The following SLC1A1 variants were observed in gnomAD, a reference collection of about 807,000 sequenced individuals.
SLC1A1 encodes excitatory amino acid transporter 3.
Under a neutral mutation model 53.3 loss-of-function variants are expected in SLC1A1, and 43 were observed. The observed-to-expected ratio is 0.81, with a 90% confidence interval of 0.63 to 1.04. The LOEUF (loss-of-function observed/expected upper bound fraction) is 1.04. Among genes scored for constraint, SLC1A1 ranks in the 50% least tolerant of loss-of-function variants. The pLI, the probability that SLC1A1 is intolerant of heterozygous loss-of-function variation, is 0.00. For missense variants in SLC1A1, 748 were observed against 664.9 expected (o/e 1.12, Z -1.37); for synonymous variants, 307 against 243.2 (o/e 1.26, Z -2.44).
At chr9:4,567,591 G>T in intron 5 of SLC1A1, 78 bp from the exon 6 acceptor site, 2 of 889,362 alleles carry the variant, frequency 2.2e-6, no homozygotes, top group East Asian at 2.6e-5. Flanking sequence ...AAAATAACAT[G>T]TTCCTGTGAT....
intron 1 of SLC1A1, among the ~76,000 whole-genome samples, chr9:4,539,575 A>T (rs1009668560): frequency 2.0e-5 from 3 of 151,614 alleles, no homozygotes; most frequent in African/African-American, 7.3e-5. Context: ...CAACTTATTT[A>T]TTTATTTATT....
At chr9:4,523,830 A>T (rs567792336) in intron 1 of SLC1A1, among the ~76,000 whole-genome samples, 1 of 152,234 alleles carries the variant, frequency 6.6e-6, no homozygotes, top group Non-Finnish European at 1.5e-5. Flanking sequence ...TGTTCTTCCC[A>T]TTGTTATAGG....
intron 1 of SLC1A1, among the ~76,000 whole-genome samples, chr9:4,492,937 A>G (rs1280616730): frequency 1.3e-5 from 2 of 152,008 alleles, no homozygotes; most frequent in African/African-American, 4.8e-5. Context: ...GTTGCACACC[A>G]CTCGTCAGCA....
At chr9:4,542,825 G>A (rs1365399285) in intron 1 of SLC1A1, among the ~76,000 whole-genome samples, 2 of 152,054 alleles carry the variant, frequency 1.3e-5, no homozygotes, top group African/African-American at 2.4e-5. Flanking sequence ...CTAACACTAG[G>A]GTTGTAAAAT....
chr9:4,563,146 G>GA lies in SLC1A1; in HGVS notation c.326-1186dup, dbSNP rs761603173. ...TAAAAGAAAAAAAAAGAGAGAGAGA[G>GA]AAAAAAAAAAAAGAAGAATGCCCAG... On this transcript the variant is annotated intron_variant, in intron 3 of 11. Transcript: ENST00000262352. 4.6e-3 allele frequency among the ~76,000 whole-genome samples: 641 copies of GA among 138,036 alleles called. 3 individuals are homozygous for GA. Among genetic ancestry groups the GA allele is most frequent in the African/African-American group, 0.014 (528 of 37,696 alleles). 90.6% of individuals were successfully genotyped at this position (138,036 alleles called of 152,430 possible).
At chr9:4,512,120 T>C (rs1821018633) in intron 1 of SLC1A1, among the ~76,000 whole-genome samples, 1 of 152,192 alleles carries the variant, frequency 6.6e-6, no homozygotes, top group Non-Finnish European at 1.5e-5. Context: ...AACATAGTAA[T>C]GATGTCAGTT....
Position 4,572,794 on chromosome 9 carries a change from C to T in SLC1A1, c.767+406C>T, listed in dbSNP as rs187578706. On this transcript the variant is annotated intron_variant, in intron 7 of 11. Coordinates refer to ENST00000262352, the MANE Select transcript of SLC1A1 (RefSeq NM_004170.6). ...AAACTCCTAGGCTCAAGCAATCTAC[C>T]CACTTCATCCTCCCAAAATGCTGGA... is the stretch of plus-strand genomic sequence containing the variant. Among the ~76,000 whole-genome samples the T allele has an allele frequency of 1.4e-3, 208 of 152,242 alleles. 1 individual carries two copies. Among genetic ancestry groups the T allele is most frequent in the Admixed American group, 3.8e-3 (58 of 15,284 alleles).
chr9:4,493,313 GGCCTGA>G (rs1820301520), intron 1 of SLC1A1, among the ~76,000 whole-genome samples: 1 of 152,104 alleles, frequency 6.6e-6, no homozygotes, highest in African/African-American at 2.4e-5. Context: ...CAGAGTACTG[GGCCTGA>G]GTGGAAACTC....
chr9:4,515,681 T>A (rs1821139000), intron 1 of SLC1A1, among the ~76,000 whole-genome samples: 1 of 152,224 alleles, frequency 6.6e-6, no homozygotes, highest in South Asian at 2.1e-4. Context: ...CAACTGGTTT[T>A]CACTCCTAGA....
Position 4,573,958 on chromosome 9 carries a change from T to C in SLC1A1, c.819T>C (p.Val273=). The C allele has an allele frequency of 6.2e-7, 1 of 1,614,080 alleles. No homozygotes were observed. Among genetic ancestry groups the C allele is most frequent in the Non-Finnish European group, 8.5e-7 (1 of 1,179,912 alleles). Residue 273 remains valine (V), a synonymous_variant, in exon 8 of 12, where the codon GTT becomes GTC. Transcript: ENST00000262352. ...LFLIAGKIIE[V]EDWEIFRKLG... ...TGATTGCTGGGAAGATCATAGAAGT[T>C]GAAGACTGGGAAATATTCCGCAAGC...
At chr9:4,545,471 T>C (rs538770679) in intron 2 of SLC1A1, among the ~76,000 whole-genome samples, 21 of 152,322 alleles carry the variant, frequency 1.4e-4, no homozygotes, top group African/African-American at 4.3e-4. Context: ...AGGAAAAATA[T>C]AGTTGTCAAT....
At chr9:4,540,209 G>A (rs567859741) in intron 1 of SLC1A1, among the ~76,000 whole-genome samples, 17 of 152,144 alleles carry the variant, frequency 1.1e-4, no homozygotes, top group African/African-American at 4.1e-4. Flanking sequence ...TCTGGCCAGG[G>A]ATGGCCAGAC....
intron 1 of SLC1A1, among the ~76,000 whole-genome samples, chr9:4,496,929 G>A (rs948095298): frequency 4.6e-5 from 7 of 152,050 alleles, no homozygotes; most frequent in African/African-American, 7.2e-5. Flanking sequence ...GCAGAAGAGA[G>A]AGAAAATAAT....
chr9:4,560,996 AAAAC>A (rs139529479), intron 2 of SLC1A1, among the ~76,000 whole-genome samples: 33,094 of 151,746 alleles, frequency 0.22, 4,364 homozygotes, highest in East Asian at 0.46. Context: ...ACTCTGTCTC[AAAAC>A]AAACAAACAA....
Position 4,561,604 on chromosome 9 carries a change from G to C in SLC1A1, c.325+63G>C, listed in dbSNP as rs142533531. 1.8e-5 allele frequency: 19 copies of C among 1,035,712 alleles called. 2 individuals carry two copies. The Middle Eastern group carries it at 1.2e-3, about 66-fold the overall frequency. 64.2% of individuals were successfully genotyped at this position (1,035,712 alleles called of 1,614,324 possible). ...TGGTGATTTTTTCATTCGAAAAGTA[G>C]TTGGTGGCCAGATGCGGTGGCTCAG... On this transcript the variant is annotated intron_variant, in intron 3 of 11. Coordinates refer to ENST00000262352, the MANE Select transcript of SLC1A1 (RefSeq NM_004170.6).
rs191200043 is a variant in SLC1A1 at position 4,537,239 on chromosome 9, A to C, written c.92-7328A>C. Among the ~76,000 whole-genome samples the C allele has an allele frequency of 2.1e-3, 320 of 152,322 alleles. 1 individual carries two copies. Among genetic ancestry groups the C allele is most frequent in the African/African-American group, 7.2e-3 (301 of 41,566 alleles). On this transcript the variant is annotated intron_variant, in intron 1 of 11. Coordinates refer to ENST00000262352, the MANE Select transcript of SLC1A1 (RefSeq NM_004170.6). Reference sequence around the variant, plus strand: ...AATGTGGGGGAAATGCTTATGACTTAACATTAAATGAAAATTGCTTTTTAA... The same window carrying C: ...AATGTGGGGGAAATGCTTATGACTTCACATTAAATGAAAATTGCTTTTTAA...
In SLC1A1 at chr9:4,565,439, G is replaced by A. The variant is rs976885269; in HGVS notation, c.441-608G>A. ...TTAAGTCACAGTTCCTCACGGCTGG[G>A]GAGGCCTCAAGAAACTTACAATCAT... On this transcript the variant is annotated intron_variant, in intron 4 of 11. Transcript: ENST00000262352. 2.0e-5 allele frequency among the ~76,000 whole-genome samples: 3 copies of A among 152,150 alleles called. No homozygotes were observed. The South Asian group carries it at 6.2e-4, about 32-fold the overall frequency.
intron 10 of SLC1A1, 129 bp from the exon 11 acceptor site, chr9:4,582,909 T>C: frequency 8.1e-7 from 1 of 1,227,584 alleles, no homozygotes; most frequent in Non-Finnish European, 1.2e-6. Flanking sequence ...AAGTCACAGA[T>C]TCTAACTACC....
intron 3 of SLC1A1, among the ~76,000 whole-genome samples, chr9:4,562,090 A>T (rs1819009796): frequency 8.0e-6 from 1 of 124,772 alleles, no homozygotes; most frequent in Admixed American, 9.2e-5. Context: ...TTTTTTTTCA[A>T]GAGGGAGTCT....
Sources: allele counts gnomAD v4.1 joint callset (sites outside exome capture counted in the v4.1 genomes callset), GRCh38; gene constraint gnomAD v4.1.1; transcripts MANE v1.5; gene names NCBI Gene and HGNC (gene_info 2026-07-23, HGNC 2026-07-21).